The following CFAP299 variants were observed in gnomAD, a reference collection of about 807,000 sequenced individuals.
The protein encoded by CFAP299 is cilia- and flagella-associated protein 299.
A neutral mutation model predicts 27.0 loss-of-function variants in CFAP299; 21 were observed. The observed-to-expected ratio is 0.78, with a 90% CI of 0.55 to 1.12. The LOEUF is 1.12. CFAP299 is among the 50% of genes most tolerant of loss of function. The pLI is 0.00. For synonymous variants in CFAP299, 104 were observed against 98.1 expected (o/e 1.06, Z -0.36); for missense variants, 310 against 276.6 (o/e 1.12, Z -0.86).
At chr4:80,670,712 T>C (rs1408373046) in intron 3 of CFAP299, among the ~76,000 whole-genome samples, 1 of 152,194 alleles carries the variant, frequency 6.6e-6, no homozygotes, top group Non-Finnish European at 1.5e-5. Context: ...CTCATTGTGG[T>C]TTTGATTTGC....
chr4:80,839,038 T>C (rs1730721075), intron 3 of CFAP299, among the ~76,000 whole-genome samples: 1 of 152,210 alleles, frequency 6.6e-6, no homozygotes, highest in Non-Finnish European at 1.5e-5. Context: ...ATCGTTCTTT[T>C]AGTGCATACA....
At chr4:80,824,071 A>G (rs944226591) in intron 3 of CFAP299, among the ~76,000 whole-genome samples, 2 of 152,122 alleles carry the variant, frequency 1.3e-5, no homozygotes, top group Admixed American at 1.3e-4. Flanking sequence ...ATAAGCATCA[A>G]TGCAAAATAT....
chr4:80,796,554 G>A (rs1281025209), intron 3 of CFAP299, among the ~76,000 whole-genome samples: 5 of 152,166 alleles, frequency 3.3e-5, no homozygotes, highest in Non-Finnish European at 7.4e-5. Context: ...ATTGCTTCTG[G>A]TGGGCCTTAT....
At chr4:80,388,200 G>A (rs1375689669) in intron 2 of CFAP299, 1 of 695,860 alleles carries the variant, frequency 1.4e-6, no homozygotes. Flanking sequence ...TAGGTGAGGT[G>A]GCTGGGCACA....
chr4:80,836,703 C>G (rs1477650670), intron 3 of CFAP299, among the ~76,000 whole-genome samples: 3 of 152,068 alleles, frequency 2.0e-5, no homozygotes, highest in African/African-American at 7.2e-5. Flanking sequence ...AGGAAAGTGA[C>G]ATATTTAGAG....
At chr4:80,504,058 C>A (rs1432069801) in intron 2 of CFAP299, among the ~76,000 whole-genome samples, 1 of 151,988 alleles carries the variant, frequency 6.6e-6, no homozygotes, top group Non-Finnish European at 1.5e-5. Context: ...GATGTATAAT[C>A]CAAACTGTGT....
At chr4:80,474,828 G>A (rs953930762) in intron 2 of CFAP299, among the ~76,000 whole-genome samples, 2 of 152,038 alleles carry the variant, frequency 1.3e-5, no homozygotes, top group Non-Finnish European at 2.9e-5. Context: ...GTGTTCATGG[G>A]GCTTATATTC....
At chr4:80,348,974 C>T (rs962956092) in intron 1 of CFAP299, among the ~76,000 whole-genome samples, 4 of 152,098 alleles carry the variant, frequency 2.6e-5, no homozygotes, top group East Asian at 1.9e-4. Flanking sequence ...GCTGTTAACA[C>T]GGTTGATGAA....
At chr4:80,425,440 G>C (rs1473025646) in intron 2 of CFAP299, among the ~76,000 whole-genome samples, 2 of 152,150 alleles carry the variant, frequency 1.3e-5, no homozygotes, top group African/African-American at 4.8e-5. Flanking sequence ...ATAAATTTCT[G>C]AGAATGCAAG....
intron 3 of CFAP299, among the ~76,000 whole-genome samples, chr4:80,730,248 CTGTG>C (rs34594345): frequency 0.05 from 6,559 of 130,658 alleles, 238 homozygotes; most frequent in East Asian, 0.2. Flanking sequence ...CTCTCTCTCT[CTGTG>C]TGTGTGTGTG....
intron 3 of CFAP299, among the ~76,000 whole-genome samples, chr4:80,635,872 A>C (rs951191250): frequency 6.6e-6 from 1 of 152,112 alleles, no homozygotes; most frequent in African/African-American, 2.4e-5. Flanking sequence ...AGGTGACTGC[A>C]CAGAATTTGG....
In CFAP299 at chr4:80,572,507, G is replaced by GTTTTTTTTT. The variant is rs550414533; in HGVS notation, c.243-10566_243-10558dup. Among the ~76,000 whole-genome samples the GTTTTTTTTT allele has an allele frequency of 5.1e-3, 185 of 36,388 alleles. 56 individuals carry two copies. The highest frequency in any genetic ancestry group is 8.8e-3 in the African/African-American group (98 of 11,182). 23.9% of individuals were successfully genotyped at this position (36,388 alleles called of 152,430 possible). On this transcript the variant is annotated intron_variant, in intron 2 of 5. Transcript: ENST00000358105. Reference sequence around the variant, plus strand: ...TGTTGTTGCACATGACTGGATCCCAGTTTTTTTTTTTTTTTTTTTTTTTTT... The same window carrying GTTTTTTTTT: ...TGTTGTTGCACATGACTGGATCCCAGTTTTTTTTTTTTTTTTTTTTTTTTTTTTTTTTTT...
chr4:80,682,198 T>C (rs927677232), intron 3 of CFAP299, among the ~76,000 whole-genome samples: 4 of 152,208 alleles, frequency 2.6e-5, no homozygotes, highest in Non-Finnish European at 1.5e-5. Flanking sequence ...AATAGTTTTA[T>C]GGTAATTCAA....
At chr4:80,868,176 ATTG>A (rs1430884710) in intron 3 of CFAP299, among the ~76,000 whole-genome samples, 1 of 152,126 alleles carries the variant, frequency 6.6e-6, no homozygotes, top group Non-Finnish European at 1.5e-5. Flanking sequence ...AGAAGCCATT[ATTG>A]TTGTTTTATA....
chr4:80,387,855 T>C, intron 2 of CFAP299: 1 of 1,307,298 alleles, frequency 7.6e-7, no homozygotes, highest in African/African-American at 1.5e-5. Flanking sequence ...CTTTAGCCCG[T>C]GGGGTCTTCA....
chr4:80,796,957 T>C (rs1006451515), intron 3 of CFAP299, among the ~76,000 whole-genome samples: 1 of 152,116 alleles, frequency 6.6e-6, no homozygotes, highest in South Asian at 2.1e-4. Flanking sequence ...ACTGGGGAAA[T>C]GACCACAGAA....
At chr4:80,632,122 TGTTGGTTATAA>T (rs1739243194) in intron 3 of CFAP299, among the ~76,000 whole-genome samples, 1 of 152,166 alleles carries the variant, frequency 6.6e-6, no homozygotes, top group South Asian at 2.1e-4. Flanking sequence ...AGGAAATTTC[TGTTGGTTATAA>T]GTCACCTAGT....
chr4:80,943,938 C>T (rs1394407705), intron 4 of CFAP299, among the ~76,000 whole-genome samples: 13 of 152,002 alleles, frequency 8.6e-5, no homozygotes, highest in Non-Finnish European at 4.4e-5. Flanking sequence ...TGGTGGCGCA[C>T]ACCTGTAGTC....
At chr4:80,411,874 T>C (rs1726737461) in intron 2 of CFAP299, among the ~76,000 whole-genome samples, 1 of 152,156 alleles carries the variant, frequency 6.6e-6, no homozygotes, top group South Asian at 2.1e-4. Flanking sequence ...ATAAATAGCA[T>C]TTATTGAACA....
Sources: allele counts gnomAD v4.1 joint callset (sites outside exome capture counted in the v4.1 genomes callset), GRCh38; gene constraint gnomAD v4.1.1; transcripts MANE v1.5; gene names NCBI Gene and HGNC (gene_info 2026-07-23, HGNC 2026-07-21).